SPINT2: variants seen among roughly 807,000 people sequenced by gnomAD.
The protein encoded by SPINT2 is serine peptidase inhibitor, Kunitz type 2.
In SPINT2, 18 loss-of-function variants were observed where a neutral mutation model predicts 30.1. That is an observed-to-expected ratio of 0.60 (90% CI 0.41 to 0.89). SPINT2 has a LOEUF of 0.89. Ranked by LOEUF, SPINT2 falls within the 40% of genes least tolerant of loss-of-function variation. SPINT2 has a pLI of 0.00. For synonymous variants in SPINT2, 139 were observed against 137.9 expected (o/e 1.01, Z -0.05); for missense variants, 276 against 334.3 (o/e 0.83, Z 1.36).
intron 1 of SPINT2, among the ~76,000 whole-genome samples, chr19:38,266,230 T>C (rs527581331): frequency 2.6e-5 from 4 of 151,968 alleles, no homozygotes; most frequent in African/African-American, 9.6e-5. Flanking sequence ...TGGAGGAGGA[T>C]GGGAGGTGGG....
chr19:38,276,563 A>G (rs1968520775), intron 1 of SPINT2, among the ~76,000 whole-genome samples: 1 of 151,470 alleles, frequency 6.6e-6, no homozygotes, highest in South Asian at 2.1e-4. Context: ...AATGGCGTGA[A>G]CCCAGGAGGC....
At chr19:38,280,783 G>T (rs764293108) in intron 1 of SPINT2, among the ~76,000 whole-genome samples, 1 of 152,176 alleles carries the variant, frequency 6.6e-6, no homozygotes, top group East Asian at 1.9e-4. Context: ...TGGGCGCCGG[G>T]TGTTGTTGGG....
At position 38,264,943 on chromosome 19, in the gene SPINT2, G is replaced by A; in HGVS notation, c.51G>A (p.Leu17=). Residue 17 remains leucine (L), a synonymous_variant, in exon 1 of 7, where the codon CTG becomes CTA. Transcript: ENST00000301244. ...GGAGCCGGGCGTTTCTCGCCCTGCT[G>A]GGATCGCTGCTCCTCTCTGGGGTCC... ...LRRSRAFLAL[L]GSLLLSGVLA... The A allele has an allele frequency of 6.5e-7, 1 of 1,536,794 alleles. No homozygotes were observed. Among genetic ancestry groups the A allele is most frequent in the Non-Finnish European group, 8.7e-7 (1 of 1,145,700 alleles).
At chr19:38,289,695 G>C (rs1194053759) in intron 4 of SPINT2, 5 of 285,698 alleles carry the variant, frequency 1.8e-5, no homozygotes, top group African/African-American at 1.1e-4. Flanking sequence ...GTGGGAAGGA[G>C]GCTGCGCCTG....
chr19:38,284,140 C>A (rs1181341526), intron 2 of SPINT2, among the ~76,000 whole-genome samples: 3 of 151,976 alleles, frequency 2.0e-5, no homozygotes, highest in African/African-American at 7.2e-5. Context: ...TGCGCCCAGC[C>A]CCTGCTTTTT....
At position 38,277,922 on chromosome 19, in the gene SPINT2, G is replaced by A. The variant is rs118010073; in HGVS notation, c.107-5705G>A. ...CCTTTCAGCATTTTCCTGTTGGTCC[G>A]TCTCCGTTTTGAAAACATACAGAAT... On this transcript the variant is annotated intron_variant, in intron 1 of 6. Transcript: ENST00000301244. Among the ~76,000 whole-genome samples the A allele has an allele frequency of 2.5e-3, 375 of 152,176 alleles. 9 individuals are homozygous for A. The East Asian group carries it at 0.047, about 19-fold the overall frequency.
At chr19:38,279,661 T>C (rs2146272311) in intron 1 of SPINT2, among the ~76,000 whole-genome samples, 1 of 152,268 alleles carries the variant, frequency 6.6e-6, no homozygotes, top group East Asian at 1.9e-4. Context: ...CTTTTTCTTT[T>C]TTGTTTGTTT....
At position 38,290,305 on chromosome 19, in the gene SPINT2, G is replaced by A; in HGVS notation, c.553+25G>A. 1 of 1,609,310 alleles carries A rather than the reference G, an allele frequency of 6.2e-7. No homozygotes were observed. Among genetic ancestry groups the A allele is most frequent in the Middle Eastern group, 2.3e-4 (1 of 4,444 alleles). On this transcript the variant is annotated intron_variant, in intron 5 of 6. Transcript: ENST00000301244. The surrounding 1 kb of genome is among the most constrained non-coding windows in gnomAD (Gnocchi z 4.3). ...CGTAAGTCTGCAGCCCCTCAGCCCA[G>A]GAAGCCCTGCCCTTGAGGACCCCGG... is the stretch of plus-strand genomic sequence containing the variant.
At chr19:38,281,276 A>AT (rs919213204) in intron 1 of SPINT2, among the ~76,000 whole-genome samples, 3 of 151,754 alleles carry the variant, frequency 2.0e-5, no homozygotes, top group Non-Finnish European at 4.4e-5. Context: ...TAAAAAAAAA[A>AT]TTTTTTTTCT....
chr19:38,285,041 G>T (rs1243235054), intron 2 of SPINT2, among the ~76,000 whole-genome samples: 1 of 151,948 alleles, frequency 6.6e-6, no homozygotes, highest in East Asian at 1.9e-4. Flanking sequence ...TTTAATTGTG[G>T]GACAAGTGAC....
intron 2 of SPINT2, among the ~76,000 whole-genome samples, chr19:38,285,183 A>G (rs1036671981): frequency 6.6e-6 from 1 of 152,150 alleles, no homozygotes; most frequent in Non-Finnish European, 1.5e-5. Flanking sequence ...ATAACCTCAC[A>G]GTTTAAATTA....
intron 6 of SPINT2, 155 bp from the exon 7 acceptor site, chr19:38,291,685 C>T: frequency 2.3e-6 from 2 of 878,000 alleles, no homozygotes; most frequent in East Asian, 2.7e-5. Context: ...CAGGCTGTGT[C>T]CTCTCCAGCT....
At chr19:38,291,609 C>A (rs1002704752) in intron 6 of SPINT2, 3 of 556,998 alleles carry the variant, frequency 5.4e-6, no homozygotes, top group Non-Finnish European at 9.5e-6. Context: ...GACACGGCCA[C>A]TCTGCTGGCA....
chr19:38,288,791 C>A (rs1431725465), intron 3 of SPINT2: 3 of 308,066 alleles, frequency 9.7e-6, no homozygotes, highest in Non-Finnish European at 1.9e-5. Flanking sequence ...GCTAGCCCCC[C>A]CACACACCAG....
chr19:38,288,313 C>G, intron 3 of SPINT2: 1 of 373,842 alleles, frequency 2.7e-6, no homozygotes. Flanking sequence ...TCCTCTGCTT[C>G]CTTTGCTCCC....
Position 38,290,944 on chromosome 19 carries a change from G to T in SPINT2, c.592+369G>T. On this transcript the variant is annotated intron_variant, in intron 6 of 6. Transcript: ENST00000301244. The surrounding 1 kb of genome is among the most constrained non-coding windows in gnomAD (Gnocchi z 4.3). The stretch of plus-strand genomic sequence containing the variant: ...CGGGTGACAGGACGGAGGACCACGG[G>T]CCAGGGTGTTTCCCAACACAGTCTG... 1 of 382,554 alleles carries T rather than the reference G, an allele frequency of 2.6e-6. No homozygotes were observed. Among genetic ancestry groups the T allele is most frequent in the Non-Finnish European group, 5.0e-6 (1 of 200,148 alleles). The allele number at this position is 382,554 out of a possible 1,614,324, so 23.7% of individuals were successfully genotyped here.
chr19:38,275,734 T>G (rs112232656), intron 1 of SPINT2, among the ~76,000 whole-genome samples: 2 of 112,320 alleles, frequency 1.8e-5, no homozygotes, highest in Non-Finnish European at 4.0e-5. Flanking sequence ...GACAAAAAAA[T>G]TTTTTTTTTT....
intron 1 of SPINT2, 59 bp downstream of exon 1, chr19:38,265,057 A>G (rs1026792439): frequency 1.3e-5 from 11 of 866,850 alleles, no homozygotes; most frequent in South Asian, 1.1e-4. Flanking sequence ...TCGGGGGTCA[A>G]CGGGGGTCTG....
At chr19:38,278,552 C>G (rs972828941) in intron 1 of SPINT2, among the ~76,000 whole-genome samples, 8 of 152,220 alleles carry the variant, frequency 5.3e-5, no homozygotes, top group African/African-American at 1.9e-4. Context: ...TGCTGTGGCT[C>G]ATGCCTATGA....
Sources: gnomAD v4.1 joint callset for allele counts (sites outside exome capture counted in the v4.1 genomes callset) on GRCh38, gnomAD v4.1.1 for gene constraint, Gnocchi (gnomAD v3.1) non-coding constraint, MANE v1.5 for transcripts, NCBI Gene and HGNC (gene_info 2026-07-23, HGNC 2026-07-21) for gene names.